FGF10: variants seen among roughly 807,000 people sequenced by gnomAD.
FGF10 encodes the protein FGF-10.
FGF10 carries 2 observed loss-of-function variants against 19.8 expected under a neutral mutation model. That is an observed-to-expected ratio of 0.10 (90% CI 0.04 to 0.32). FGF10 has a LOEUF of 0.32. Ranked by LOEUF, FGF10 falls within the 10% of genes least tolerant of loss-of-function variation. FGF10 has a pLI of 1.00. For missense variants in FGF10, 191 were observed against 246.3 expected (o/e 0.78, Z 1.50); for synonymous variants, 112 against 94.0 (o/e 1.19, Z -1.10).
chr5:44,310,709 A>T (rs1740192401), intron 1 of FGF10, among the ~76,000 whole-genome samples, 179 bp from the exon 2 acceptor site: 1 of 152,162 alleles, frequency 6.6e-6, no homozygotes, highest in Admixed American at 6.6e-5. Context: ...AAAACCCGGC[A>T]AGTATTTCCA....
intron 1 of FGF10, among the ~76,000 whole-genome samples, chr5:44,371,674 C>T (rs1414162125): frequency 6.6e-6 from 1 of 152,062 alleles, no homozygotes; most frequent in African/African-American, 2.4e-5. Context: ...TTTGTAGTGC[C>T]TAGCAGTCAA....
intron 1 of FGF10, among the ~76,000 whole-genome samples, chr5:44,368,934 T>A (rs1472132481): frequency 1.3e-5 from 2 of 152,088 alleles, no homozygotes; most frequent in Admixed American, 6.6e-5. Context: ...TTCCAAAGTG[T>A]TGAGATTACA....
At chr5:44,376,776 T>G (rs1180638857) in intron 1 of FGF10, among the ~76,000 whole-genome samples, 2 of 152,080 alleles carry the variant, frequency 1.3e-5, no homozygotes, top group Non-Finnish European at 2.9e-5. Context: ...TTGATTAAGC[T>G]ACAATTTCTT....
intron 1 of FGF10, among the ~76,000 whole-genome samples, chr5:44,357,913 GT>G (rs1741384725): frequency 6.6e-6 from 1 of 151,310 alleles, no homozygotes; most frequent in Non-Finnish European, 1.5e-5. Context: ...ATTCCCCTCT[GT>G]CTCCTCCAGA....
At chr5:44,356,288 C>A (rs1550936) in intron 1 of FGF10, among the ~76,000 whole-genome samples, 1 of 151,362 alleles carries the variant, frequency 6.6e-6, no homozygotes, top group Non-Finnish European at 1.5e-5. Flanking sequence ...TATCAGAAAA[C>A]CAACTCACTT....
chr5:44,386,054 A>C (rs1353782546), intron 1 of FGF10, among the ~76,000 whole-genome samples: 1 of 152,168 alleles, frequency 6.6e-6, no homozygotes, highest in Non-Finnish European at 1.5e-5. Context: ...AATATATGTT[A>C]TCACAGAGAA....
At chr5:44,311,705 A>G (rs1211434381) in intron 1 of FGF10, among the ~76,000 whole-genome samples, 1 of 152,144 alleles carries the variant, frequency 6.6e-6, no homozygotes, top group African/African-American at 2.4e-5. Flanking sequence ...GATTTTGGAA[A>G]TTCTTCAATG....
intron 1 of FGF10, among the ~76,000 whole-genome samples, chr5:44,346,777 T>C (rs1561209215): frequency 1.3e-5 from 2 of 151,834 alleles, no homozygotes; most frequent in Non-Finnish European, 2.9e-5. Flanking sequence ...TGCTATCCAA[T>C]ATGTGAGTGT....
intron 1 of FGF10, among the ~76,000 whole-genome samples, chr5:44,312,403 C>T (rs1195590252): frequency 6.6e-6 from 1 of 152,036 alleles, no homozygotes; most frequent in Non-Finnish European, 1.5e-5. Flanking sequence ...AAGCCTCTGA[C>T]TTTTAGACTC....
At chr5:44,343,119 A>G (rs989107793) in intron 1 of FGF10, among the ~76,000 whole-genome samples, 1 of 152,052 alleles carries the variant, frequency 6.6e-6, no homozygotes, top group Admixed American at 6.6e-5. Flanking sequence ...TTTGTTTACA[A>G]AAATAATTTT....
intron 1 of FGF10, among the ~76,000 whole-genome samples, chr5:44,386,577 A>G (rs1002092441): frequency 1.3e-5 from 2 of 152,200 alleles, no homozygotes; most frequent in African/African-American, 4.8e-5. Flanking sequence ...GAAAAACCTT[A>G]AAGGTTATAT....
At chr5:44,313,788 T>G (rs1276003732) in intron 1 of FGF10, among the ~76,000 whole-genome samples, 1 of 152,114 alleles carries the variant, frequency 6.6e-6, no homozygotes, top group Admixed American at 6.6e-5. Context: ...CCAGGTAGTA[T>G]TGTGAATCTA....
Position 44,388,474 on chromosome 5 carries a change from T to C in FGF10, c.209A>G (p.Tyr70Cys). The C allele has an allele frequency of 1.2e-6, 2 of 1,614,084 alleles. No homozygotes were observed. The highest frequency in any genetic ancestry group is 2.2e-5 in the South Asian group (2 of 91,074). ...PSSAGRHVRS[Y>C]NHLQGDVRWR... is the part of the protein sequence containing the mutation. Reference sequence around the variant, plus strand: ...GCGGACATCTCCTTGAAGGTGATTGTAGCTCCGCACATGCCTTCCCGCGCT... The same window carrying C: ...GCGGACATCTCCTTGAAGGTGATTGCAGCTCCGCACATGCCTTCCCGCGCT... Residue 70 changes from tyrosine (Y) to cysteine (C), a missense_variant, in exon 1 of 3, where the codon TAC (tyrosine) becomes TGC (cysteine). By Grantham distance (194) the Tyr-to-Cys change is radical. Coordinates refer to ENST00000264664, the MANE Select transcript of FGF10 (RefSeq NM_004465.2).
intron 1 of FGF10, among the ~76,000 whole-genome samples, chr5:44,319,865 T>C (rs1160749114): frequency 6.6e-6 from 1 of 152,140 alleles, no homozygotes; most frequent in African/African-American, 2.4e-5. Flanking sequence ...GGCCATGGAC[T>C]GGTACTGGTC....
Position 44,389,069 on chromosome 5 carries a change from T to C in FGF10, c.-387A>G, listed in dbSNP as rs1185747031. The stretch of plus-strand genomic sequence containing the variant: ...ATGCCAAAAAGGTCTGAAAAACAGA[T>C]GACAGCACGGTGAACAAAACCCAAG... On this transcript the variant is annotated 5_prime_UTR_variant, in exon 1 of 3. Transcript: ENST00000264664. 1 of 333,098 alleles carries C rather than the reference T, an allele frequency of 3.0e-6. No individual in the cohort carries two copies. The highest frequency in any genetic ancestry group is 5.9e-6 in the Non-Finnish European group (1 of 170,300). The allele number at this position is 333,098 out of a possible 1,614,324, so 20.6% of individuals were successfully genotyped here.
At position 44,310,517 on chromosome 5, in the gene FGF10, T is replaced by C. The variant is rs1207676419; in HGVS notation, c.339A>G (p.Ile113Met). 2 of 1,609,842 alleles carry C rather than the reference T, an allele frequency of 1.2e-6. No individual in the cohort carries two copies. The highest frequency in any genetic ancestry group is 2.7e-5 in the African/African-American group (2 of 74,808). The change falls in exon 2 of 3, where the codon ATA becomes ATG. Residue 113 changes from isoleucine to methionine, a missense_variant. Ile to Met is a conservative substitution (Grantham distance 10). Coordinates refer to ENST00000264664, the MANE Select transcript of FGF10 (RefSeq NM_004465.2). ...CAACAACTCCGATTTCTACTGATGT[T>C]ATCTCCAGGATGCCTAAAACATACA... ...KENCPYSILE[I>M]TSVEIGVVAV...
chr5:44,359,164 C>A (rs1741419129), intron 1 of FGF10, among the ~76,000 whole-genome samples: 1 of 151,438 alleles, frequency 6.6e-6, no homozygotes, highest in African/African-American at 2.4e-5. Context: ...ATCTAAGCAC[C>A]TTTGGAGAGT....
chr5:44,326,315 G>C (rs73755408), intron 1 of FGF10, among the ~76,000 whole-genome samples: 299 of 152,244 alleles, frequency 2.0e-3, no homozygotes, highest in African/African-American at 7.0e-3. Flanking sequence ...TCTGATCTCT[G>C]ATCATGTAGT....
At position 44,302,823 on chromosome 5, in the gene FGF10, G is replaced by T. The variant is rs1739994626; in HGVS notation, c.*2172C>A. Among the ~76,000 whole-genome samples the T allele has an allele frequency of 6.6e-6, 1 of 152,158 alleles. No individual in the cohort carries two copies. Among genetic ancestry groups the T allele is most frequent in the African/African-American group, 2.4e-5 (1 of 41,452 alleles). ...ACATAGTCTCTTTAGTAATCTAAAT[G>T]TCTATGTGAAATAAGAATCCAGTTT... On this transcript the variant is annotated 3_prime_UTR_variant, in exon 3 of 3. Transcript: ENST00000264664.
Sources: allele counts gnomAD v4.1 joint callset (sites outside exome capture counted in the v4.1 genomes callset), GRCh38; gene constraint gnomAD v4.1.1; transcripts MANE v1.5; gene names NCBI Gene and HGNC (gene_info 2026-07-23, HGNC 2026-07-21).